The following PTPRE variants were observed in gnomAD, a reference collection of about 807,000 sequenced individuals.
The protein encoded by PTPRE is receptor-type tyrosine-protein phosphatase epsilon.
A neutral mutation model predicts 102.0 loss-of-function variants in PTPRE; 51 were observed. The ratio of observed to expected loss-of-function variants is 0.50; its 90% CI spans 0.40 to 0.63. PTPRE has a LOEUF of 0.63. Among genes scored for constraint, PTPRE ranks in the 30% least tolerant of loss-of-function variants. The pLI, the probability that PTPRE is intolerant of heterozygous loss-of-function variation, is 0.00. For synonymous variants in PTPRE, 345 were observed against 348.2 expected (o/e 0.99, Z 0.10); for missense variants, 752 against 915.1 (o/e 0.82, Z 2.30).
chr10:128,031,724 G>A (rs543898250), intron 2 of PTPRE, among the ~76,000 whole-genome samples: 1 of 152,334 alleles, frequency 6.6e-6, no homozygotes, highest in East Asian at 1.9e-4. Flanking sequence ...TGGCTCAGGT[G>A]TGAATCTTCA....
At chr10:128,040,549 T>C (rs1011255054) in intron 2 of PTPRE, among the ~76,000 whole-genome samples, 3 of 151,990 alleles carry the variant, frequency 2.0e-5, no homozygotes, top group Non-Finnish European at 4.4e-5. Flanking sequence ...AGATGTGATT[T>C]CTGCTAAGTG....
At chr10:128,075,724 C>T (rs2136056838) in intron 17 of PTPRE, among the ~76,000 whole-genome samples, 1 of 152,286 alleles carries the variant, frequency 6.6e-6, no homozygotes, top group Non-Finnish European at 1.5e-5. Context: ...TGAAAATTAA[C>T]AAAATATTGT....
At chr10:128,047,258 C>G in intron 3 of PTPRE, 132 bp from the exon 4 acceptor site, 1 of 1,333,810 alleles carries the variant, frequency 7.5e-7, no homozygotes, top group Non-Finnish European at 1.0e-6. Flanking sequence ...GGGGCCTTTT[C>G]AGGATGATGG....
intron 1 of PTPRE, among the ~76,000 whole-genome samples, chr10:127,978,087 C>A (rs1290370358): frequency 6.6e-6 from 1 of 152,200 alleles, no homozygotes; most frequent in Non-Finnish European, 1.5e-5. Context: ...ATGGAGCATC[C>A]TCTAGGACAG....
intron 2 of PTPRE, among the ~76,000 whole-genome samples, chr10:128,010,042 A>G (rs934598510): frequency 1.0e-5 from 1 of 98,784 alleles, no homozygotes; most frequent in Non-Finnish European, 2.0e-5. Context: ...TCTTACAGTG[A>G]TGAGGGCCAT....
At chr10:128,037,625 A>G (rs576499969) in intron 2 of PTPRE, among the ~76,000 whole-genome samples, 16 of 152,348 alleles carry the variant, frequency 1.1e-4, no homozygotes, top group South Asian at 2.1e-4. Flanking sequence ...AGACAGATTT[A>G]TAATGAAGTA....
rs371966401 is a variant in PTPRE, at chr10:128,085,716, A to G, written c.*2810A>G. 2.0e-5 allele frequency: 3 copies of G among 152,560 alleles called. No homozygotes were observed. Among genetic ancestry groups the G allele is most frequent in the Admixed American group, 6.5e-5 (1 of 15,270 alleles). The allele number at this position is 152,560 out of a possible 1,614,324, so 9.5% of individuals were successfully genotyped here. On this transcript the variant is annotated 3_prime_UTR_variant, in exon 21 of 21. Transcript: ENST00000254667. ...TATGTATGTTATTACAGTTTCAACT[A>G]TCATATTTTCTTTGATTACATTTAT...
At chr10:127,953,078 G>A (rs760797735) in intron 1 of PTPRE, among the ~76,000 whole-genome samples, 4 of 152,208 alleles carry the variant, frequency 2.6e-5, no homozygotes, top group Non-Finnish European at 5.9e-5. Context: ...GATTTTGTAA[G>A]CAACACATTT....
intron 2 of PTPRE, among the ~76,000 whole-genome samples, chr10:128,036,452 T>C (rs1328169336): frequency 1.3e-5 from 2 of 152,220 alleles, no homozygotes; most frequent in African/African-American, 4.8e-5. Flanking sequence ...TGAGGGTTGA[T>C]GAGGTCATTT....
intron 2 of PTPRE, among the ~76,000 whole-genome samples, chr10:127,988,304 C>CTTTT (rs57166500): frequency 1.4e-4 from 17 of 123,834 alleles, no homozygotes; most frequent in South Asian, 2.6e-4. Context: ...TTTTTCTTTT[C>CTTTT]TTTTTTTTTT....
chr10:128,045,411 A>G (rs925900471), intron 3 of PTPRE, among the ~76,000 whole-genome samples: 6 of 152,180 alleles, frequency 3.9e-5, no homozygotes, highest in Non-Finnish European at 2.9e-5. Context: ...AGTAGTCACC[A>G]TCTCTGCAGA....
chr10:127,955,389 G>A (rs1424373593), intron 1 of PTPRE, among the ~76,000 whole-genome samples: 2 of 152,148 alleles, frequency 1.3e-5, no homozygotes, highest in African/African-American at 4.8e-5. Flanking sequence ...AATACAGAAT[G>A]GGTAGTAGAA....
At chr10:128,038,643 A>C (rs951181263) in intron 2 of PTPRE, among the ~76,000 whole-genome samples, 5 of 113,952 alleles carry the variant, frequency 4.4e-5, no homozygotes, top group African/African-American at 1.7e-4. Flanking sequence ...AACATCACAC[A>C]CCGGGGCCTG....
intron 9 of PTPRE, 90 bp from the exon 10 acceptor site, chr10:128,062,993 C>T: frequency 3.2e-6 from 5 of 1,572,132 alleles, no homozygotes; most frequent in Non-Finnish European, 4.3e-6. Context: ...GAACAGCTGT[C>T]CAGGGGCCAA....
At chr10:128,009,397 T>G (rs1230585189) in intron 2 of PTPRE, among the ~76,000 whole-genome samples, 1 of 152,250 alleles carries the variant, frequency 6.6e-6, no homozygotes, top group Non-Finnish European at 1.5e-5. Context: ...GGATGTTTTC[T>G]TGTGTTCGTG....
chr10:127,913,523 C>T (rs569748824), intron 1 of PTPRE, among the ~76,000 whole-genome samples: 7 of 152,258 alleles, frequency 4.6e-5, no homozygotes, highest in Admixed American at 1.3e-4. Flanking sequence ...TTTATTTTGG[C>T]GTCCTCTCAC....
intron 2 of PTPRE, among the ~76,000 whole-genome samples, chr10:128,025,146 G>A (rs1846193946): frequency 9.9e-6 from 1 of 100,912 alleles, no homozygotes; most frequent in Non-Finnish European, 1.8e-5. Context: ...GTGACAGAAT[G>A]AGATCCTGTC....
At position 128,028,525 on chromosome 10, in the gene PTPRE, G is replaced by A. The variant is rs1846450062; in HGVS notation, c.-7-12350G>A. Among the ~76,000 whole-genome samples, 3 of 152,296 alleles carry A rather than the reference G, an allele frequency of 2.0e-5. No individual in the cohort carries two copies. The highest frequency in any genetic ancestry group is 4.4e-5 in the Non-Finnish European group (3 of 68,022). On this transcript the variant is annotated intron_variant, in intron 2 of 20. Transcript: ENST00000254667. The surrounding 1 kb of genome is among the most constrained non-coding windows in gnomAD (Gnocchi z 4.5). ...GATGGTACACAGCACACCTGGCCCT[G>A]GCTCAGCCCCCCAATGTGGACAGGT...
At chr10:128,074,273 C>G (rs1327394485) in intron 17 of PTPRE, among the ~76,000 whole-genome samples, 1 of 152,174 alleles carries the variant, frequency 6.6e-6, no homozygotes, top group East Asian at 1.9e-4. Context: ...TTCTTTTTTA[C>G]TGGCAAATAG....
Sources: gnomAD v4.1 joint callset for allele counts (sites outside exome capture counted in the v4.1 genomes callset) on GRCh38, gnomAD v4.1.1 for gene constraint, Gnocchi (gnomAD v3.1) non-coding constraint, MANE v1.5 for transcripts, NCBI Gene and HGNC (gene_info 2026-07-23, HGNC 2026-07-21) for gene names.